The following NRG3 variants were observed in gnomAD, a reference collection of about 807,000 sequenced individuals.
The protein encoded by NRG3 is pro-neuregulin-3, membrane-bound isoform.
In NRG3, 31 loss-of-function variants were observed where a neutral mutation model predicts 66.9. The observed-to-expected ratio is 0.46, with a 90% CI of 0.35 to 0.63. The LOEUF (loss-of-function observed/expected upper bound fraction) is 0.63. Ranked by LOEUF, NRG3 falls within the 20% of genes least tolerant of loss-of-function variation. The pLI is 0.00. For synonymous variants in NRG3, 393 were observed against 359.4 expected (o/e 1.09, Z -1.06); for missense variants, 910 against 878.9 (o/e 1.04, Z -0.45).
At chr10:82,456,899 T>A (rs2091291862) in intron 2 of NRG3, among the ~76,000 whole-genome samples, 1 of 152,144 alleles carries the variant, frequency 6.6e-6, no homozygotes. Context: ...CACGCCAGCA[T>A]CCTTTTGCAG....
chr10:82,199,891 T>C (rs920335744), intron 1 of NRG3, among the ~76,000 whole-genome samples: 4 of 19,794 alleles, frequency 2.0e-4, no homozygotes, highest in East Asian at 4.3e-4. Flanking sequence ...TGTGTGTGCG[T>C]GTGTGTGTGT....
chr10:82,492,554 A>T (rs1250501993), intron 2 of NRG3, among the ~76,000 whole-genome samples: 1 of 152,180 alleles, frequency 6.6e-6, no homozygotes, highest in East Asian at 1.9e-4. Flanking sequence ...ATTGCATAGA[A>T]ACCTAACACA....
chr10:82,542,010 C>A (rs2132763650), intron 2 of NRG3, among the ~76,000 whole-genome samples: 1 of 152,256 alleles, frequency 6.6e-6, no homozygotes, highest in South Asian at 2.1e-4. Context: ...CACCTATCAA[C>A]CCGTCATCTA....
At chr10:82,223,642 A>AACACACAC (rs398014296) in intron 1 of NRG3, among the ~76,000 whole-genome samples, 3,278 of 137,970 alleles carry the variant, frequency 0.024, 53 homozygotes, top group Middle Eastern at 0.043. Context: ...AACCACCCCA[A>AACACACAC]ACACACACAC....
At chr10:82,245,955 C>T (rs1263445849) in intron 1 of NRG3, among the ~76,000 whole-genome samples, 1 of 145,224 alleles carries the variant, frequency 6.9e-6, no homozygotes, top group African/African-American at 2.6e-5. Flanking sequence ...GTAGCATTAG[C>T]CTGATTTTTT....
At chr10:81,924,056 C>T (rs1414641725) in intron 1 of NRG3, among the ~76,000 whole-genome samples, 3 of 152,122 alleles carry the variant, frequency 2.0e-5, no homozygotes, top group Non-Finnish European at 4.4e-5. Flanking sequence ...TGATTGGGAG[C>T]CCAGTAGGAC....
intron 2 of NRG3, among the ~76,000 whole-genome samples, chr10:82,474,843 T>G (rs1841617486): frequency 6.6e-6 from 1 of 152,090 alleles, no homozygotes. Flanking sequence ...AAGTATTGAA[T>G]TCAAAGACAA....
At chr10:82,565,184 T>C (rs2133057385) in intron 2 of NRG3, among the ~76,000 whole-genome samples, 1 of 152,200 alleles carries the variant, frequency 6.6e-6, no homozygotes, top group African/African-American at 2.4e-5. Context: ...ATGTGAAGTG[T>C]TGGGGAAAAT....
At chr10:82,761,918 CTTTCTCTTTCTTTCTT>C (rs1278167220) in intron 3 of NRG3, among the ~76,000 whole-genome samples, 1 of 127,240 alleles carries the variant, frequency 7.9e-6, no homozygotes, top group Non-Finnish European at 1.7e-5. Flanking sequence ...TTCTTTCTTT[CTTTCTCTTTCTTTCTT>C]TCTTTCTTTC....
chr10:82,148,913 G>C (rs952523662), intron 1 of NRG3, among the ~76,000 whole-genome samples: 1 of 151,828 alleles, frequency 6.6e-6, no homozygotes, highest in Non-Finnish European at 1.5e-5. Flanking sequence ...TGAATTTCAG[G>C]GAGCCAAACT....
intron 1 of NRG3, among the ~76,000 whole-genome samples, chr10:82,281,343 G>A (rs947647444): frequency 1.3e-5 from 2 of 152,136 alleles, no homozygotes; most frequent in Non-Finnish European, 2.9e-5. Flanking sequence ...CTAGTAAAGA[G>A]ATGGATAGGA....
chr10:82,249,973 C>T (rs914072156), intron 1 of NRG3, among the ~76,000 whole-genome samples: 1 of 152,144 alleles, frequency 6.6e-6, no homozygotes, highest in Non-Finnish European at 1.5e-5. Flanking sequence ...ATAAACTCCA[C>T]AGCGATGGTA....
intron 1 of NRG3, among the ~76,000 whole-genome samples, chr10:82,171,113 A>G (rs1368029749): frequency 1.3e-5 from 2 of 151,692 alleles, no homozygotes; most frequent in Admixed American, 6.6e-5. Flanking sequence ...TTTAATTCTC[A>G]TTTAGTCTCC....
chr10:82,266,945 G>A (rs2078331403), intron 1 of NRG3, among the ~76,000 whole-genome samples: 2 of 152,166 alleles, frequency 1.3e-5, no homozygotes, highest in African/African-American at 4.8e-5. Context: ...GAGTCTAGGG[G>A]AGTGATTCCA....
intron 1 of NRG3, among the ~76,000 whole-genome samples, chr10:81,926,206 C>T (rs1372994679): frequency 6.6e-6 from 1 of 152,132 alleles, no homozygotes; most frequent in Non-Finnish European, 1.5e-5. Flanking sequence ...CAACCTCTGC[C>T]TCCTGGGTTC....
chr10:81,990,843 C>G (rs1024449990), intron 1 of NRG3, among the ~76,000 whole-genome samples: 16 of 151,514 alleles, frequency 1.1e-4, no homozygotes, highest in African/African-American at 3.9e-4. Context: ...AAGAAAAATC[C>G]CGTTGCTTAA....
At chr10:82,322,320 A>C (rs1262932407) in intron 1 of NRG3, among the ~76,000 whole-genome samples, 1 of 152,166 alleles carries the variant, frequency 6.6e-6, no homozygotes, top group African/African-American at 2.4e-5. Flanking sequence ...TTCACATCTG[A>C]AGTGTGATAT....
At chr10:82,446,958 G>C (rs1338083219) in intron 2 of NRG3, among the ~76,000 whole-genome samples, 1 of 152,166 alleles carries the variant, frequency 6.6e-6, no homozygotes, top group African/African-American at 2.4e-5. Flanking sequence ...ACAGTAGATG[G>C]TATGTCATTA....
At chr10:82,345,624 G>A (rs2135437294) in intron 1 of NRG3, among the ~76,000 whole-genome samples, 1 of 151,298 alleles carries the variant, frequency 6.6e-6, no homozygotes, top group East Asian at 2.0e-4. Flanking sequence ...GCTTGATGGG[G>A]ATGGCATTGA....
Sources: allele counts gnomAD v4.1 joint callset (sites outside exome capture counted in the v4.1 genomes callset), GRCh38; gene constraint gnomAD v4.1.1; transcripts MANE v1.5; gene names NCBI Gene and HGNC (gene_info 2026-07-23, HGNC 2026-07-21).